The following TTN variants were observed in gnomAD, a reference collection of about 807,000 sequenced individuals.
TTN encodes titin, also known as connectin.
Under a neutral mutation model 3,223.0 loss-of-function variants are expected in TTN, and 1,525 were observed. That is an observed-to-expected ratio of 0.47 (90% CI 0.45 to 0.49). The LOEUF is 0.49. TTN is among the 20% of genes least tolerant of loss of function. TTN has a pLI of 0.00. For synonymous variants in TTN, 14,094 were observed against 15,161.0 expected (o/e 0.93, Z 5.17); for missense variants, 40,786 against 43,424.0 (o/e 0.94, Z 5.40).
Position 178,617,253 on chromosome 2 carries a change from A to G in TTN, c.47761-19T>C, listed in dbSNP as rs781724602. 2 of 1,536,540 alleles carry G rather than the reference A, an allele frequency of 1.3e-6. 1 individual carries two copies. The highest frequency in any genetic ancestry group is 4.8e-5 in the East Asian group (2 of 41,594). ...CGGTAACCTACGATTATGAATTAAT[A>G]TTTGTAAAAAACACATACAGTTATG... On this transcript the variant is annotated intron_variant, in intron 254 of 362. Transcript: ENST00000589042.
In TTN at chr2:178,567,722, T is replaced by C; in HGVS notation, c.78410A>G (p.Lys26137Arg). The change falls in exon 326 of 363, where the codon AAA (lysine) becomes AGA (arginine). Residue 26137 changes from lysine (K) to arginine (R), a missense_variant. Lys to Arg is a conservative substitution (Grantham distance 26). Coordinates refer to ENST00000589042, the MANE Select transcript of TTN (RefSeq NM_001267550.2). ...KRDLPDGRWM[K>R]ASFTNVIETQ... ...TTCAATGACATTTGTAAAGCTAGCT[T>C]TCATCCAACGACCATCAGGCAAATC... is the stretch of plus-strand genomic sequence containing the variant. 6.2e-7 allele frequency: 1 copy of C among 1,612,398 alleles called. No homozygotes were observed.
chr2:178,582,133 G>A lies in TTN; in HGVS notation c.66236C>T (p.Pro22079Leu), dbSNP rs1379026615. 5 of 1,612,590 alleles carry A rather than the reference G, an allele frequency of 3.1e-6. No individual in the cohort carries two copies. The highest frequency in any genetic ancestry group is 4.2e-6 in the Non-Finnish European group (5 of 1,179,532). The change falls in exon 315 of 363, where the codon CCA (proline) becomes CTA (leucine). Residue 22079 changes from proline (P) to leucine (L), a missense_variant. Coordinates refer to ENST00000589042, the MANE Select transcript of TTN (RefSeq NM_001267550.2). ...KDHMTVSWKP[P>L]ADDGGSPITG... ...GATGGGTGAGCCCCCATCATCTGCT[G>A]GTGGCTTCCAGCTGACTGTCATGTG...
chr2:178,723,267 A>G lies in TTN; in HGVS notation c.21740T>C (p.Ile7247Thr). The G allele has an allele frequency of 1.9e-6, 3 of 1,613,502 alleles. No homozygotes were observed. Among genetic ancestry groups the G allele is most frequent in the Non-Finnish European group, 2.5e-6 (3 of 1,179,634 alleles). The change falls in exon 75 of 363, where the codon ATA (isoleucine) becomes ACA (threonine). Residue 7247 changes from isoleucine to threonine, a missense_variant. Coordinates refer to ENST00000589042, the MANE Select transcript of TTN (RefSeq NM_001267550.2). ...TCCAGTGTAGGTGCTCTCCAGAATT[A>G]TGGACTTCCCTGGTTCTACAGAATG... The part of the protein sequence containing the change: ...SDHSVEPGKS[I>T]ILESTYTGTL...
At position 178,613,947 on chromosome 2, in the gene TTN, G is replaced by A. The variant is rs2154201383; in HGVS notation, c.49346-10C>T. 6.2e-7 allele frequency: 1 copy of A among 1,607,338 alleles called. No homozygotes were observed. The highest frequency in any genetic ancestry group is 8.5e-7 in the Non-Finnish European group (1 of 1,177,498). On this transcript the variant is annotated splice_polypyrimidine_tract_variant and intron_variant, in intron 262 of 362. Coordinates refer to ENST00000589042, the MANE Select transcript of TTN (RefSeq NM_001267550.2). ...GGAGGACCAGGTGGATCTATAGACA[G>A]GATAATGGTGTAAAATGTTATATGT...
At chr2:178,701,653 G>T in intron 109 of TTN, 66 bp from the exon 110 acceptor site, 1 of 1,495,040 alleles carries the variant, frequency 6.7e-7, no homozygotes, top group Non-Finnish European at 9.3e-7. Flanking sequence ...AAACTAAGGT[G>T]TGTTTGATTT....
chr2:178,582,447 C>T lies in TTN; in HGVS notation c.66009G>A (p.Trp22003Ter). The T allele has an allele frequency of 6.2e-7, 1 of 1,612,932 alleles. No homozygotes were observed. Among genetic ancestry groups the T allele is most frequent in the Non-Finnish European group, 8.5e-7 (1 of 1,179,398 alleles). Residue 22003 changes from tryptophan (W) to a stop codon, truncating the protein, a stop_gained, in exon 314 of 363, where the codon TGG becomes TGA. Coordinates refer to ENST00000589042, the MANE Select transcript of TTN (RefSeq NM_001267550.2). LOFTEE classifies it high-confidence loss of function. ...TAGGCACAGTTGCAGAGACTTGAGC[C>T]CAGTTGGGCCTGCTTGTTTCACGTT... ...VDKRETSRPN[W>*]AQVSATVPIT...
chr2:178,629,239 C>A, intron 240 of TTN, 62 bp downstream of exon 240: 3 of 1,578,842 alleles, frequency 1.9e-6, no homozygotes, highest in African/African-American at 2.7e-5. Context: ...AAGGAACATA[C>A]AAGTGAAGGT....
chr2:178,674,951 G>T, intron 150 of TTN, 88 bp downstream of exon 150: 1 of 697,366 alleles, frequency 1.4e-6, no homozygotes, highest in Non-Finnish European at 2.2e-6. Context: ...ATTTCCTGGG[G>T]TAAATTTTAC....
chr2:178,566,087 T>G lies in TTN; in HGVS notation c.80045A>C (p.Asp26682Ala). ...CAAATTCTGTGGTGGTCCTGGAGTGTCAAGAACTTTCACAGTTACAAAAGC... is the reference window on the plus strand; with the variant it reads ...CAAATTCTGTGGTGGTCCTGGAGTGGCAAGAACTTTCACAGTTACAAAAGC... Reference protein sequence around the residue: ...KSAFVTVKVLDTPGPPQNLAV... With the variant: ...KSAFVTVKVLATPGPPQNLAV... The change falls in exon 326 of 363, where the codon GAC becomes GCC. Residue 26682 changes from aspartate to alanine, a missense_variant. Coordinates refer to ENST00000589042, the MANE Select transcript of TTN (RefSeq NM_001267550.2). 2.5e-6 allele frequency: 4 copies of G among 1,613,680 alleles called. No individual in the cohort carries two copies. Among genetic ancestry groups the G allele is most frequent in the Non-Finnish European group, 3.4e-6 (4 of 1,179,676 alleles).
chr2:178,710,585 A>G, intron 98 of TTN, 50 bp downstream of exon 98: 1 of 1,561,410 alleles, frequency 6.4e-7, no homozygotes, highest in Non-Finnish European at 8.7e-7. Flanking sequence ...TTCAGGCTAT[A>G]CTACAAAATG....
In TTN at chr2:178,575,923, T is replaced by C. The variant is rs1385869048; in HGVS notation, c.70209A>G (p.Pro23403=). ...NTESFTLLII[P]ECNRYDTGKF... ...TACCGGTATCATATCTGTTACATTC[T>C]GGGATAATCAGAAGAGTAAATGATT... The change falls in exon 326 of 363, where the codon CCA becomes CCG. Residue 23403 remains proline (P), a synonymous_variant. Transcript: ENST00000589042. The surrounding 1 kb of genome is among the most constrained non-coding windows in gnomAD (Gnocchi z 4.0). 1 of 1,613,474 alleles carries C rather than the reference T, an allele frequency of 6.2e-7. No individual in the cohort carries two copies. The highest frequency in any genetic ancestry group is 8.5e-7 in the Non-Finnish European group (1 of 1,179,516).
Position 178,625,283 on chromosome 2 carries a change from G to A in TTN, c.44538C>T (p.Leu14846=). Residue 14846 remains leucine, a synonymous_variant, in exon 241 of 363, where the codon CTC becomes CTT. Coordinates refer to ENST00000589042, the MANE Select transcript of TTN (RefSeq NM_001267550.2). The stretch of plus-strand genomic sequence containing the variant: ...AAGCCTTGTAATTACCTTTCACAAA[G>A]AGGTTGGCGTGAGTTTTGAAATCTT... ...TAKDFKTHAN[L]FVKEPPVEFT... 2.5e-6 allele frequency: 4 copies of A among 1,605,200 alleles called. No homozygotes were observed. The highest frequency in any genetic ancestry group is 3.4e-6 in the Non-Finnish European group (4 of 1,176,070).
At chr2:178,694,112 G>T in intron 117 of TTN, 104 bp from the exon 118 acceptor site, 1 of 810,038 alleles carries the variant, frequency 1.2e-6, no homozygotes, top group Non-Finnish European at 1.9e-6. Context: ...GAATGAGTGG[G>T]TTAATATGGT....
chr2:178,623,191 A>C lies in TTN; in HGVS notation c.44816-424T>G, dbSNP rs2058558226. Among the ~76,000 whole-genome samples the C allele has an allele frequency of 2.0e-5, 3 of 151,956 alleles. No homozygotes were observed. The South Asian group carries it at 6.2e-4, about 31-fold the overall frequency. ...AATCTTTGAGAAATTAGCAGAATTC[A>C]AAGATAGAACACGTGAAGCACTATG... is the stretch of plus-strand genomic sequence containing the variant. On this transcript the variant is annotated intron_variant, in intron 242 of 362. Transcript: ENST00000589042.
chr2:178,640,480 T>C (rs1243565764), intron 221 of TTN, 61 bp downstream of exon 221: 1 of 1,401,856 alleles, frequency 7.1e-7, no homozygotes, highest in Non-Finnish European at 1.0e-6. Flanking sequence ...AGTGTAATGA[T>C]ATTTTAAATG....
chr2:178,564,111 G>A lies in TTN; in HGVS notation c.82021C>T (p.Arg27341Trp), dbSNP rs746488250. 33 of 1,613,526 alleles carry A rather than the reference G, an allele frequency of 2.0e-5. No individual in the cohort carries two copies. The highest frequency in any genetic ancestry group is 4.5e-5 in the East Asian group (2 of 44,872). Reference sequence around the variant, plus strand: ...AGAATATATTGTCCTCCATCAGTCCGTATACAGTCTTTGACAACAAGAGTT... The same window carrying A: ...AGAATATATTGTCCTCCATCAGTCCATATACAGTCTTTGACAACAAGAGTT... ...KTTLVVKDCIRTDGGQYILKL... is the reference protein window; with the variant it reads ...KTTLVVKDCIWTDGGQYILKL... Residue 27341 changes from arginine (R) to tryptophan (W), a missense_variant, in exon 326 of 363, where the codon CGG becomes TGG. By Grantham distance (101) the Arg-to-Trp change is moderately radical. Transcript: ENST00000589042.
chr2:178,654,288 G>A lies in TTN; in HGVS notation c.38300C>T (p.Pro12767Leu), dbSNP rs770050578. 1.4e-5 allele frequency: 22 copies of A among 1,597,652 alleles called. No homozygotes were observed. The East Asian group carries it at 4.9e-4, about 36-fold the overall frequency. Residue 12767 changes from proline to leucine, a missense_variant, in exon 193 of 363, where the codon CCT (proline) becomes CTT (leucine). Coordinates refer to ENST00000589042, the MANE Select transcript of TTN (RefSeq NM_001267550.2). ...AAGTACAACTTCTTTAGGAGCTTCAGGAACTTTGAAGATATTAGTATCTTT... is the reference window on the plus strand; with the variant it reads ...AAGTACAACTTCTTTAGGAGCTTCAAGAACTTTGAAGATATTAGTATCTTT... ...KKPEAPPPKVPEAPKEVVLEK... is the reference protein window; with the variant it reads ...KKPEAPPPKVLEAPKEVVLEK...
intron 349 of TTN, 42 bp from the exon 350 acceptor site, chr2:178,541,626 A>G (rs1694558373): frequency 6.6e-7 from 1 of 1,508,978 alleles, no homozygotes. Context: ...CAATATGAAT[A>G]CGTTAAAACA....
At position 178,547,260 on chromosome 2, in the gene TTN, G is replaced by A; in HGVS notation, c.94265C>T (p.Ala31422Val). ...PTRPEVYHVS[A>V]NAMSIRWEEP... ...TTCCCAACGAATAGACATGGCATTG[G>A]CAGACACATGGTAGACCTCAGGTCT... is the stretch of plus-strand genomic sequence containing the variant. The change falls in exon 340 of 363, where the codon GCC becomes GTC. Residue 31422 changes from alanine to valine, a missense_variant. Transcript: ENST00000589042. 6.2e-7 allele frequency: 1 copy of A among 1,613,690 alleles called. No individual in the cohort carries two copies. The highest frequency in any genetic ancestry group is 1.1e-5 in the South Asian group (1 of 91,076).
Sources: gnomAD v4.1 joint callset for allele counts (sites outside exome capture counted in the v4.1 genomes callset) on GRCh38, gnomAD v4.1.1 for gene constraint, Gnocchi (gnomAD v3.1) non-coding constraint, MANE v1.5 for transcripts, NCBI Gene and HGNC (gene_info 2026-07-23, HGNC 2026-07-21) for gene names.